The following ARMH4 variants were observed in gnomAD, a reference collection of about 807,000 sequenced individuals.
The protein encoded by ARMH4 is armadillo like helical domain containing 4.
In ARMH4, 49 loss-of-function variants were observed where a neutral mutation model predicts 61.9. That is an observed-to-expected ratio of 0.79 (90% CI 0.63 to 1.00). ARMH4 has a LOEUF of 1.00. ARMH4 is among the 50% of genes least tolerant of loss of function. The pLI, the probability that ARMH4 is intolerant of heterozygous loss-of-function variation, is 0.00. For synonymous variants in ARMH4, 368 were observed against 341.5 expected (o/e 1.08, Z -0.85); for missense variants, 934 against 930.0 (o/e 1.00, Z -0.06).
In ARMH4 at chr14:58,002,947, T is replaced by C. The variant is rs1459233464; in HGVS notation, c.*1789A>G. On this transcript the variant is annotated 3_prime_UTR_variant, in exon 8 of 8. Coordinates refer to ENST00000267485, the MANE Select transcript of ARMH4 (RefSeq NM_001001872.4). Reference sequence around the variant, plus strand: ...GAGTTAAAATTATTTGATGAAAATGTTCTTGTGAGCCAGACATTATTCAAA... The same window carrying C: ...GAGTTAAAATTATTTGATGAAAATGCTCTTGTGAGCCAGACATTATTCAAA... 1 of 152,242 alleles carries C rather than the reference T, an allele frequency of 6.6e-6. No homozygotes were observed. The highest frequency in any genetic ancestry group is 1.5e-5 in the Non-Finnish European group (1 of 68,044). The allele number at this position is 152,242 out of a possible 1,614,324, so 9.4% of individuals were successfully genotyped here.
At chr14:58,032,682 C>A (rs1182652828) in intron 5 of ARMH4, among the ~76,000 whole-genome samples, 1 of 151,736 alleles carries the variant, frequency 6.6e-6, no homozygotes, top group African/African-American at 2.4e-5. Context: ...TGGGCGCAGG[C>A]CAGTGTGTGC....
At chr14:58,113,402 C>T (rs1282078416) in intron 4 of ARMH4, among the ~76,000 whole-genome samples, 2 of 152,088 alleles carry the variant, frequency 1.3e-5, no homozygotes, top group Non-Finnish European at 2.9e-5. Context: ...AAGATTTTTG[C>T]TTTTTCAAAT....
chr14:58,077,380 G>T (rs995127512), intron 5 of ARMH4, among the ~76,000 whole-genome samples: 39 of 152,196 alleles, frequency 2.6e-4, no homozygotes, highest in African/African-American at 9.4e-4. Context: ...GAGACAGGAG[G>T]ATGGCTTGAG....
At chr14:58,109,946 A>G (rs1289692466) in intron 4 of ARMH4, among the ~76,000 whole-genome samples, 1 of 152,210 alleles carries the variant, frequency 6.6e-6, no homozygotes, top group East Asian at 1.9e-4. Context: ...CAGAAAGACC[A>G]TGAGTGAGTG....
chr14:58,031,486 C>A (rs1883227207), intron 5 of ARMH4, among the ~76,000 whole-genome samples: 1 of 152,190 alleles, frequency 6.6e-6, no homozygotes, highest in Non-Finnish European at 1.5e-5. Flanking sequence ...GCCATTAACA[C>A]TGCAGCAAGT....
intron 4 of ARMH4, among the ~76,000 whole-genome samples, chr14:58,113,977 A>C (rs1468020799): frequency 6.6e-6 from 1 of 151,020 alleles, no homozygotes; most frequent in Non-Finnish European, 1.5e-5. Context: ...CTATGTCTGG[A>C]TAGTTTTAGT....
intron 5 of ARMH4, among the ~76,000 whole-genome samples, chr14:58,032,561 A>C (rs1883286151): frequency 6.6e-6 from 1 of 152,220 alleles, no homozygotes; most frequent in Admixed American, 6.5e-5. Context: ...AAGATGGCCG[A>C]ATAGGAACAG....
At chr14:58,111,238 A>G (rs961153221) in intron 4 of ARMH4, among the ~76,000 whole-genome samples, 2 of 152,328 alleles carry the variant, frequency 1.3e-5, no homozygotes, top group African/African-American at 4.8e-5. Flanking sequence ...AGGATAATAT[A>G]TAATAATATA....
chr14:58,133,027 C>A (rs1456884871), intron 3 of ARMH4, 63 bp downstream of exon 3: 12 of 1,580,786 alleles, frequency 7.6e-6, no homozygotes, highest in Non-Finnish European at 1.0e-5. Context: ...TCATTCTATT[C>A]CTAGTCCACT....
chr14:58,050,412 C>G lies in ARMH4; in HGVS notation c.2090-38262G>C, dbSNP rs117424021. 2.1e-3 allele frequency among the ~76,000 whole-genome samples: 317 copies of G among 152,342 alleles called. 1 individual carries two copies. Among genetic ancestry groups the G allele is most frequent in the Non-Finnish European group, 3.5e-3 (241 of 68,032 alleles). Reference sequence around the variant, plus strand: ...ACTACTCAAATTCATGCCTTCCTCTCTCTCTACCCATTCGACCTGGTGATA... The same window carrying G: ...ACTACTCAAATTCATGCCTTCCTCTGTCTCTACCCATTCGACCTGGTGATA... On this transcript the variant is annotated intron_variant, in intron 5 of 7. Coordinates refer to ENST00000267485, the MANE Select transcript of ARMH4 (RefSeq NM_001001872.4).
chr14:58,011,768 A>AC, intron 6 of ARMH4, among the ~76,000 whole-genome samples: 1 of 142,938 alleles, frequency 7.0e-6, no homozygotes, highest in African/African-American at 2.5e-5. Flanking sequence ...CATATTAGAA[A>AC]AAAAAAAAAA....
At chr14:58,078,646 A>G (rs1885124932) in intron 5 of ARMH4, among the ~76,000 whole-genome samples, 1 of 152,258 alleles carries the variant, frequency 6.6e-6, no homozygotes, top group Non-Finnish European at 1.5e-5. Flanking sequence ...AGAGTGAGAT[A>G]GTAAATATTT....
intron 5 of ARMH4, among the ~76,000 whole-genome samples, chr14:58,095,870 A>G (rs918637436): frequency 6.6e-6 from 1 of 152,186 alleles, no homozygotes; most frequent in African/African-American, 2.4e-5. Flanking sequence ...GAAGGAATCA[A>G]TGGGCCTAGC....
intron 5 of ARMH4, among the ~76,000 whole-genome samples, chr14:58,030,047 T>C (rs1041823021): frequency 1.2e-4 from 19 of 152,196 alleles, no homozygotes; most frequent in Admixed American, 1.2e-3. Context: ...CTGATACATC[T>C]ACAAAATAAA....
intron 6 of ARMH4, 135 bp from the exon 7 acceptor site, chr14:58,005,317 G>C (rs1442837274): frequency 1.1e-5 from 13 of 1,134,344 alleles, no homozygotes; most frequent in Non-Finnish European, 1.6e-5. Flanking sequence ...ATAAAACTAA[G>C]CCTAAAATAC....
chr14:58,097,563 C>T (rs1172301163), intron 4 of ARMH4, among the ~76,000 whole-genome samples: 2 of 152,094 alleles, frequency 1.3e-5, no homozygotes, highest in African/African-American at 4.8e-5. Flanking sequence ...ATTCTCAATC[C>T]AACTCTAAAG....
At chr14:58,086,653 C>T (rs1024392776) in intron 5 of ARMH4, among the ~76,000 whole-genome samples, 4 of 152,094 alleles carry the variant, frequency 2.6e-5, no homozygotes, top group Non-Finnish European at 4.4e-5. Flanking sequence ...CCCAGAATGG[C>T]GATCAGCTGG....
At chr14:58,049,083 A>C (rs543746460) in intron 5 of ARMH4, among the ~76,000 whole-genome samples, 8 of 151,914 alleles carry the variant, frequency 5.3e-5, no homozygotes, top group Admixed American at 2.0e-4. Context: ...TAAAAACACA[A>C]AAAAAATTAG....
At chr14:58,074,912 T>C (rs1884997185) in intron 5 of ARMH4, among the ~76,000 whole-genome samples, 1 of 152,212 alleles carries the variant, frequency 6.6e-6, no homozygotes. Flanking sequence ...TCCAGCACAG[T>C]GCTGGAAGGA....
Sources: allele counts gnomAD v4.1 joint callset (sites outside exome capture counted in the v4.1 genomes callset), GRCh38; gene constraint gnomAD v4.1.1; transcripts MANE v1.5; gene names NCBI Gene and HGNC (gene_info 2026-07-23, HGNC 2026-07-21).